TBC1D3B: variants seen among roughly 807,000 people sequenced by gnomAD.
The protein encoded by TBC1D3B is TBC1 domain family member 3B, also known as Rab GTPase-activating protein PRC17 duplicate.
In TBC1D3B, 2 loss-of-function variants were observed where a neutral mutation model predicts 27.1. The ratio of observed to expected loss-of-function variants is 0.07; its 90% CI spans 0.03 to 0.23. TBC1D3B has a LOEUF of 0.23. Ranked by LOEUF, TBC1D3B falls within the 10% of genes least tolerant of loss-of-function variation. The pLI is 1.00. For synonymous variants in TBC1D3B, 3 were observed against 150.1 expected (o/e 0.02, Z 7.16); for missense variants, 17 against 401.3 (o/e 0.04, Z 8.18).
At chr17:36,167,317 C>T (rs1225315827) in intron 13 of TBC1D3B, among the ~76,000 whole-genome samples, 1 of 51,476 alleles carries the variant, frequency 1.9e-5, no homozygotes, top group East Asian at 3.3e-4. Flanking sequence ...GTTGGAGGGT[C>T]TTGCCCACAT....
chr17:36,169,033 A>T (rs2068304378), intron 10 of TBC1D3B, 47 bp downstream of exon 10: 1 of 1,594,250 alleles, frequency 6.3e-7, no homozygotes, highest in Non-Finnish European at 8.6e-7. Flanking sequence ...CTACAGCCCC[A>T]CGGGAGGCAG....
At position 36,167,051 on chromosome 17, in the gene TBC1D3B, G is replaced by C. The variant is rs1399945990; in HGVS notation, c.1082-488C>G. Among the ~76,000 whole-genome samples the C allele has an allele frequency of 1.8e-4, 19 of 105,478 alleles. 2 individuals carry two copies. The East Asian group carries it at 3.8e-3, about 21-fold the overall frequency. The allele number at this position is 105,478 out of a possible 152,430, so 69.2% of individuals were successfully genotyped here. Reference sequence around the variant, plus strand: ...AACTCTTGGCTCTGGCTCTGGGCCCGGGGTCCCGCCTGTGCCCTCTCCCTG... The same window carrying C: ...AACTCTTGGCTCTGGCTCTGGGCCCCGGGTCCCGCCTGTGCCCTCTCCCTG... On this transcript the variant is annotated intron_variant, in intron 13 of 13. Transcript: ENST00000611257.
intron 1 of TBC1D3B, chr17:36,176,143 C>A (rs2068420627): frequency 1.8e-5 from 1 of 56,510 alleles, no homozygotes; most frequent in Admixed American, 1.3e-4. Flanking sequence ...GGATCTAGGG[C>A]AGGGAGGTCA....
chr17:36,169,576 C>G (rs1366064857), intron 9 of TBC1D3B, among the ~76,000 whole-genome samples: 88 of 145,486 alleles, frequency 6.0e-4, no homozygotes, highest in African/African-American at 2.1e-3. Flanking sequence ...GCCCGGGCAG[C>G]TGGAGGGCAG....
At chr17:36,169,543 C>T (rs1317722018) in intron 9 of TBC1D3B, among the ~76,000 whole-genome samples, 2 of 148,246 alleles carry the variant, frequency 1.3e-5, no homozygotes, top group Non-Finnish European at 3.1e-5. Context: ...TCGGCCCATT[C>T]GTGGGCACCG....
intron 12 of TBC1D3B, among the ~76,000 whole-genome samples, 180 bp downstream of exon 12, chr17:36,167,887 T>G (rs2068284662): frequency 2.3e-5 from 1 of 43,460 alleles, no homozygotes. Flanking sequence ...ACTCTCGACT[T>G]TCATCTGGGT....
rs4407098 is a variant in TBC1D3B at position 36,165,912 on chromosome 17, A to C, written c.*83T>G. On this transcript the variant is annotated 3_prime_UTR_variant, in exon 14 of 14. Coordinates refer to ENST00000611257, the MANE Select transcript of TBC1D3B (RefSeq NM_001001417.7). Reference sequence around the variant, plus strand: ...TTAATACATATTCATAAGTTTAACCAAAAATAAAACGAGGACGCGAAGCTT... The same window carrying C: ...TTAATACATATTCATAAGTTTAACCCAAAATAAAACGAGGACGCGAAGCTT... 64 of 981,872 alleles carry C rather than the reference A, an allele frequency of 6.5e-5. 2 individuals are homozygous for C. The African/African-American group carries it at 8.0e-4, about 12-fold the overall frequency. 60.8% of individuals were successfully genotyped at this position (981,872 alleles called of 1,614,324 possible). A position where few individuals can be genotyped will look rare whatever the true frequency, so the allele number is the denominator to read the frequency against.
Position 36,165,692 on chromosome 17 carries a change from G to A in TBC1D3B, c.*303C>T. On this transcript the variant is annotated 3_prime_UTR_variant, in exon 14 of 14. Coordinates refer to ENST00000611257, the MANE Select transcript of TBC1D3B (RefSeq NM_001001417.7). ...CTAAAATCTAAAAGCATTTCAACAG[G>A]AAACATTTATTTCAAAACGTGAAGG... 2.2e-6 allele frequency: 2 copies of A among 907,372 alleles called. No homozygotes were observed. Among genetic ancestry groups the A allele is most frequent in the Non-Finnish European group, 3.3e-6 (2 of 604,036 alleles). The allele number at this position is 907,372 out of a possible 1,614,324, so 56.2% of individuals were successfully genotyped here. A position where few individuals can be genotyped will look rare whatever the true frequency, so the allele number is the denominator to read the frequency against.
intron 7 of TBC1D3B, among the ~76,000 whole-genome samples, chr17:36,171,517 G>A (rs1303202086): frequency 2.0e-5 from 3 of 151,304 alleles, no homozygotes; most frequent in Admixed American, 6.6e-5. Context: ...TGTTGCCTGG[G>A]GGGGCTCATG....
Position 36,169,434 on chromosome 17 carries a change from G to A in TBC1D3B, c.668-260C>T, listed in dbSNP as rs1438792602. 8.7e-4 allele frequency among the ~76,000 whole-genome samples: 130 copies of A among 149,524 alleles called. 4 individuals carry two copies. The highest frequency in any genetic ancestry group is 1.3e-3 in the African/African-American group (54 of 41,328). Reference sequence around the variant, plus strand: ...CCTGACTTTCAGGCCACGACAGGGTGGCCGGAACTGGGTGGGCGCTGGGCT... The same window carrying A: ...CCTGACTTTCAGGCCACGACAGGGTAGCCGGAACTGGGTGGGCGCTGGGCT... On this transcript the variant is annotated intron_variant, in intron 9 of 13. Coordinates refer to ENST00000611257, the MANE Select transcript of TBC1D3B (RefSeq NM_001001417.7).
At chr17:36,170,893 C>A (rs1285593911) in intron 7 of TBC1D3B, among the ~76,000 whole-genome samples, 1 of 91,906 alleles carries the variant, frequency 1.1e-5, no homozygotes, top group Admixed American at 9.4e-5. Context: ...TGTACAGTTC[C>A]TCCACGGTTC....
rs4346251 is a variant in TBC1D3B, at chr17:36,165,739, A to G, written c.*256T>C. 0.13 allele frequency: 113,177 copies of G among 850,408 alleles called. 757 individuals are homozygous for G. The highest frequency in any genetic ancestry group is 0.19 in the African/African-American group (9,838 of 52,462). 52.7% of individuals were successfully genotyped at this position (850,408 alleles called of 1,614,324 possible). ...AAGGTAGTTATCCTTCCATGAGTTT[A>G]AAGTACAAAGGCAGGCTCACGGTGT... On this transcript the variant is annotated 3_prime_UTR_variant, in exon 14 of 14. Coordinates refer to ENST00000611257, the MANE Select transcript of TBC1D3B (RefSeq NM_001001417.7).
chr17:36,167,001 G>A (rs1334856383), intron 13 of TBC1D3B, among the ~76,000 whole-genome samples: 2 of 92,096 alleles, frequency 2.2e-5, no homozygotes, highest in African/African-American at 5.4e-5. Flanking sequence ...TCCATGCCAG[G>A]ACTGACCGTT....
Position 36,165,887 on chromosome 17 carries a change from T to C in TBC1D3B, c.*108A>G, listed in dbSNP as rs1402930553. ...AATGTCTCTCAAGCTGCACTCTTTC[T>C]TAATACATATTCATAAGTTTAACCA... On this transcript the variant is annotated 3_prime_UTR_variant, in exon 14 of 14. Coordinates refer to ENST00000611257, the MANE Select transcript of TBC1D3B (RefSeq NM_001001417.7). The C allele has an allele frequency of 1.6e-4, 160 of 974,386 alleles. 58 individuals are homozygous for C. The highest frequency in any genetic ancestry group is 1.2e-3 in the Middle Eastern group (4 of 3,222). 60.4% of individuals were successfully genotyped at this position (974,386 alleles called of 1,614,324 possible). A position where few individuals can be genotyped will look rare whatever the true frequency, so the allele number is the denominator to read the frequency against.
Position 36,169,274 on chromosome 17 carries a change from A to G in TBC1D3B, c.668-100T>C, listed in dbSNP as rs2068309749. 4.5e-6 allele frequency: 7 copies of G among 1,563,134 alleles called. 1 individual carries two copies. The highest frequency in any genetic ancestry group is 2.2e-5 in the East Asian group (1 of 44,876). On this transcript the variant is annotated intron_variant, in intron 9 of 13. Transcript: ENST00000611257. Reference sequence around the variant, plus strand: ...CAGCTGGAGAGGCCCCCAAACCCCAAGGCTACTCCCACCCTCCCATCTGGT... The same window carrying G: ...CAGCTGGAGAGGCCCCCAAACCCCAGGGCTACTCCCACCCTCCCATCTGGT...
intron 1 of TBC1D3B, 126 bp from the exon 2 acceptor site, chr17:36,175,177 G>GA: frequency 4.0e-6 from 1 of 250,774 alleles, no homozygotes; most frequent in South Asian, 5.0e-5. Flanking sequence ...CGCCCCCAGG[G>GA]AAAAAGGGGC....
chr17:36,171,423 C>T (rs1191366993), intron 7 of TBC1D3B, among the ~76,000 whole-genome samples: 4 of 150,730 alleles, frequency 2.7e-5, no homozygotes, highest in Admixed American at 6.6e-5. Context: ...TGGCTGCCAA[C>T]GTGGCTGTGC....
intron 1 of TBC1D3B, among the ~76,000 whole-genome samples, chr17:36,175,661 G>A (rs1344547575): frequency 6.0e-4 from 59 of 99,152 alleles, no homozygotes; most frequent in Non-Finnish European, 1.1e-3. Flanking sequence ...CGTCTCTCGC[G>A]GAGGGACTGT....
intron 1 of TBC1D3B, chr17:36,176,184 C>T (rs2068421100): frequency 7.7e-5 from 4 of 52,226 alleles, no homozygotes; most frequent in African/African-American, 3.4e-4. Context: ...CAGCACAGCA[C>T]ACGGCAGGGC....
Sources: gnomAD v4.1 joint callset for allele counts (sites outside exome capture counted in the v4.1 genomes callset) on GRCh38, gnomAD v4.1.1 for gene constraint, MANE v1.5 for transcripts, NCBI Gene and HGNC (gene_info 2026-07-23, HGNC 2026-07-21) for gene names.